Variants in HECW1 observed in about 807,000 individuals in gnomAD.
HECW1 encodes the protein E3 ubiquitin-protein ligase HECW1.
Under a neutral mutation model 182.3 loss-of-function variants are expected in HECW1, and 61 were observed. The observed-to-expected ratio is 0.33, with a 90% CI of 0.27 to 0.41. HECW1 has a LOEUF of 0.41. Ranked by LOEUF, HECW1 falls within the 10% of genes least tolerant of loss-of-function variation. The pLI is 1.00. For missense variants in HECW1, 1,739 were observed against 2,108.9 expected (o/e 0.82, Z 3.44); for synonymous variants, 859 against 832.6 (o/e 1.03, Z -0.55).
intron 13 of HECW1, among the ~76,000 whole-genome samples, chr7:43,462,657 C>T (rs1029110969): frequency 5.3e-5 from 8 of 152,150 alleles, no homozygotes; most frequent in Admixed American, 2.0e-4. Flanking sequence ...GAATAACACC[C>T]ATCCTACTGC....
intron 24 of HECW1, among the ~76,000 whole-genome samples, chr7:43,539,551 C>T (rs1449314268): frequency 6.6e-6 from 1 of 152,198 alleles, no homozygotes; most frequent in African/African-American, 2.4e-5. Context: ...TTTTTTAGCA[C>T]TAAGCTGAAA....
chr7:43,118,698 G>A (rs985844229), intron 2 of HECW1: 5 of 151,920 alleles, frequency 3.3e-5, no homozygotes, highest in African/African-American at 1.2e-4. Context: ...AATTATTTTT[G>A]TAGAAATGAG....
In HECW1 at chr7:43,532,143, G is replaced by A. The variant is rs116008304; in HGVS notation, c.4020-9020G>A. On this transcript the variant is annotated intron_variant, in intron 24 of 29. Transcript: ENST00000395891. ...TTTCCCATCTCAGTAAATGGCACCC[G>A]GTTGCTCTGGCCCAAGGCCGTGGAC... Among the ~76,000 whole-genome samples the A allele has an allele frequency of 8.5e-3, 1,301 of 152,254 alleles. 21 individuals are homozygous for A. The highest frequency in any genetic ancestry group is 0.03 in the African/African-American group (1,243 of 41,532).
intron 2 of HECW1, among the ~76,000 whole-genome samples, chr7:43,201,890 A>G (rs569460208): frequency 6.6e-6 from 1 of 152,238 alleles, no homozygotes; most frequent in Non-Finnish European, 1.5e-5. Context: ...AGGACTGACT[A>G]AAATAATGGT....
intron 7 of HECW1, among the ~76,000 whole-genome samples, chr7:43,399,424 C>T (rs1057443276): frequency 1.3e-5 from 2 of 152,180 alleles, no homozygotes; most frequent in African/African-American, 2.4e-5. Flanking sequence ...TAAGAAATAA[C>T]AATGATTAAT....
chr7:43,154,922 T>C (rs1338910422), intron 2 of HECW1, among the ~76,000 whole-genome samples: 1 of 152,244 alleles, frequency 6.6e-6, no homozygotes, highest in Non-Finnish European at 1.5e-5. Flanking sequence ...AACTTAGAAC[T>C]GGAACATTAC....
chr7:43,402,743 C>T (rs2075470706), intron 7 of HECW1, among the ~76,000 whole-genome samples: 1 of 152,176 alleles, frequency 6.6e-6, no homozygotes, highest in Non-Finnish European at 1.5e-5. Context: ...TCTTAGAAAG[C>T]TCCAACAGTA....
At chr7:43,545,266 A>G (rs142159119) in intron 26 of HECW1, among the ~76,000 whole-genome samples, 1 of 152,372 alleles carries the variant, frequency 6.6e-6, no homozygotes, top group Non-Finnish European at 1.5e-5. Context: ...CTTGAATTTT[A>G]TTCCATGGCC....
At chr7:43,337,135 G>T (rs1812394934) in intron 5 of HECW1, among the ~76,000 whole-genome samples, 1 of 152,116 alleles carries the variant, frequency 6.6e-6, no homozygotes, top group Non-Finnish European at 1.5e-5. Flanking sequence ...TTCCATAGAG[G>T]TTGAACTAAT....
intron 26 of HECW1, among the ~76,000 whole-genome samples, chr7:43,544,383 A>G (rs1197039183): frequency 6.6e-6 from 1 of 152,240 alleles, no homozygotes; most frequent in Non-Finnish European, 1.5e-5. Flanking sequence ...AGATAATCTC[A>G]TTTACAATTT....
intron 2 of HECW1, among the ~76,000 whole-genome samples, chr7:43,181,554 A>G (rs1792860067): frequency 6.6e-6 from 1 of 150,794 alleles, no homozygotes; most frequent in African/African-American, 2.5e-5. Flanking sequence ...GTGAGACAGT[A>G]TCTCATTTTG....
Position 43,501,314 on chromosome 7 carries a change from A to G in HECW1, c.3623A>G (p.Asn1208Ser). 1 of 1,582,940 alleles carries G rather than the reference A, an allele frequency of 6.3e-7. No individual in the cohort carries two copies. Among genetic ancestry groups the G allele is most frequent in the Non-Finnish European group, 8.6e-7 (1 of 1,157,810 alleles). Reference protein sequence around the residue: ...PRCSPCSSPQNSPGLQRASAR... With the variant: ...PRCSPCSSPQSSPGLQRASAR... Reference sequence around the variant, plus strand: ...TGTTCACCCTGTTCTTCACCTCAGAACTCCCCAGGTAACAGGAATCTGGCC... The same window carrying G: ...TGTTCACCCTGTTCTTCACCTCAGAGCTCCCCAGGTAACAGGAATCTGGCC... The change falls in exon 21 of 30, where the codon AAC becomes AGC. Residue 1208 changes from asparagine to serine, a missense_variant. Transcript: ENST00000395891.
chr7:43,507,073 A>G lies in HECW1; in HGVS notation c.3632-64A>G, dbSNP rs1043641002. 29 of 1,567,606 alleles carry G rather than the reference A, an allele frequency of 1.8e-5. No individual in the cohort carries two copies. The African/African-American group carries it at 3.7e-4, about 20-fold the overall frequency. On this transcript the variant is annotated intron_variant, in intron 21 of 29. Coordinates refer to ENST00000395891, the MANE Select transcript of HECW1 (RefSeq NM_015052.5). Reference sequence around the variant, plus strand: ...CAACAGAGCGAGACTCCTTCTCAAAAAAGAAAAAAAGAAGAAGAAGAAGAA... The same window carrying G: ...CAACAGAGCGAGACTCCTTCTCAAAGAAGAAAAAAAGAAGAAGAAGAAGAA...
rs1584142416 is a variant in HECW1 at position 43,243,793 on chromosome 7, C to G, written c.-31-82C>G. 1.8e-6 allele frequency: 2 copies of G among 1,093,870 alleles called. No homozygotes were observed. Among genetic ancestry groups the G allele is most frequent in the African/African-American group, 1.5e-5 (1 of 64,834 alleles). The allele number at this position is 1,093,870 out of a possible 1,614,324, so 67.8% of individuals were successfully genotyped here. ...GGTATCTTGGCGGGGGTGGGGGAAACAATGTTGTTTGTGTGGGTAATGTTG... is the reference window on the plus strand; with the variant it reads ...GGTATCTTGGCGGGGGTGGGGGAAAGAATGTTGTTTGTGTGGGTAATGTTG... On this transcript the variant is annotated intron_variant, in intron 2 of 29. Transcript: ENST00000395891. The surrounding 1 kb of genome is among the most constrained non-coding windows in gnomAD (Gnocchi z 4.0).
chr7:43,229,216 A>G (rs896824930), intron 2 of HECW1, among the ~76,000 whole-genome samples: 6 of 152,196 alleles, frequency 3.9e-5, no homozygotes, highest in African/African-American at 1.4e-4. Flanking sequence ...GACACCAAAT[A>G]GGAGTTCATT....
At chr7:43,329,510 T>A (rs774601656) in intron 5 of HECW1, among the ~76,000 whole-genome samples, 6 of 150,958 alleles carry the variant, frequency 4.0e-5, no homozygotes, top group Non-Finnish European at 2.9e-5. Context: ...AGAAAGAGGC[T>A]TAGGAGGTAA....
intron 4 of HECW1, among the ~76,000 whole-genome samples, chr7:43,317,809 TTGTGTG>T (rs3032881): frequency 0.025 from 3,632 of 142,578 alleles, 150 homozygotes; most frequent in African/African-American, 0.085. Context: ...TTTCTCATTA[TTGTGTG>T]TGTGTGTGTG....
intron 3 of HECW1, among the ~76,000 whole-genome samples, chr7:43,298,346 C>T (rs939462394): frequency 6.6e-6 from 1 of 152,210 alleles, no homozygotes; most frequent in African/African-American, 2.4e-5. Context: ...AGTTCATTTT[C>T]CAGGGTTTGG....
At chr7:43,187,092 A>G (rs1793481348) in intron 2 of HECW1, among the ~76,000 whole-genome samples, 1 of 152,208 alleles carries the variant, frequency 6.6e-6, no homozygotes, top group African/African-American at 2.4e-5. Context: ...TGAGGGCTTG[A>G]CTGGTCTGCA....
Sources: gnomAD v4.1 joint callset for allele counts (sites outside exome capture counted in the v4.1 genomes callset) on GRCh38, gnomAD v4.1.1 for gene constraint, Gnocchi (gnomAD v3.1) non-coding constraint, MANE v1.5 for transcripts, NCBI Gene and HGNC (gene_info 2026-07-23, HGNC 2026-07-21) for gene names.